RFTN2: variants seen among roughly 807,000 people sequenced by gnomAD.
The protein encoded by RFTN2 is raftlin-2.
A neutral mutation model predicts 52.7 loss-of-function variants in RFTN2; 34 were observed. The ratio of observed to expected loss-of-function variants is 0.64; its 90% confidence interval spans 0.49 to 0.86. The LOEUF (loss-of-function observed/expected upper bound fraction) is 0.86. RFTN2 is among the 40% of genes least tolerant of loss of function. RFTN2 has a pLI of 0.00. For missense variants in RFTN2, 536 were observed against 600.1 expected (o/e 0.89, Z 1.12); for synonymous variants, 203 against 217.7 (o/e 0.93, Z 0.59).
At chr2:197,611,522 C>A (rs1378922666) in intron 7 of RFTN2, among the ~76,000 whole-genome samples, 1 of 152,084 alleles carries the variant, frequency 6.6e-6, no homozygotes. Flanking sequence ...ATTAGTCTGG[C>A]TAGTGGTCTA....
At chr2:197,663,981 A>G (rs930705073) in intron 1 of RFTN2, among the ~76,000 whole-genome samples, 1 of 151,914 alleles carries the variant, frequency 6.6e-6, no homozygotes, top group African/African-American at 2.4e-5. Context: ...ACAGTTTTTG[A>G]TATGTTATAT....
chr2:197,632,466 T>C (rs2088483101), intron 4 of RFTN2, among the ~76,000 whole-genome samples: 1 of 152,226 alleles, frequency 6.6e-6, no homozygotes, highest in South Asian at 2.1e-4. Context: ...GAAGGACATG[T>C]TTGCTTTCCC....
chr2:197,605,734 G>C (rs1045725904), intron 7 of RFTN2, among the ~76,000 whole-genome samples: 1 of 152,114 alleles, frequency 6.6e-6, no homozygotes, highest in African/African-American at 2.4e-5. Context: ...TCTAGTCTCA[G>C]AATCCTTATT....
intron 8 of RFTN2, 97 bp from the exon 9 acceptor site, chr2:197,572,377 T>TGCCTTTCTG: frequency 8.2e-7 from 1 of 1,214,124 alleles, no homozygotes; most frequent in East Asian, 2.3e-5. Flanking sequence ...TCCAGGAATG[T>TGCCTTTCTG]CCTTTTCCCC....
chr2:197,584,518 T>G (rs1192261371), intron 8 of RFTN2, among the ~76,000 whole-genome samples: 1 of 152,228 alleles, frequency 6.6e-6, no homozygotes, highest in Non-Finnish European at 1.5e-5. Context: ...TAGCCCTTTG[T>G]CAGATGAGTA....
At chr2:197,591,894 G>A (rs2087720381) in intron 8 of RFTN2, among the ~76,000 whole-genome samples, 1 of 151,954 alleles carries the variant, frequency 6.6e-6, no homozygotes, top group Non-Finnish European at 1.5e-5. Context: ...CAAGCACTGT[G>A]CGCAGAACTG....
chr2:197,644,275 G>C lies in RFTN2; in HGVS notation c.324-3C>G, dbSNP rs1485245256. ...TGGGTGCTGCCGAATTCTTTGGGCTGTAACAGAGGGAATATGTTTATGGTT... is the reference window on the plus strand; with the variant it reads ...TGGGTGCTGCCGAATTCTTTGGGCTCTAACAGAGGGAATATGTTTATGGTT... On this transcript the variant is annotated splice_region_variant and splice_polypyrimidine_tract_variant and intron_variant, in intron 2 of 8. Coordinates refer to ENST00000295049, the MANE Select transcript of RFTN2 (RefSeq NM_144629.3). 1 of 1,518,444 alleles carries C rather than the reference G, an allele frequency of 6.6e-7. No homozygotes were observed. The highest frequency in any genetic ancestry group is 1.4e-5 in the African/African-American group (1 of 72,672). 94.1% of individuals were successfully genotyped at this position (1,518,444 alleles called of 1,614,324 possible). A position where few individuals can be genotyped will look rare whatever the true frequency, so the allele number is the denominator to read the frequency against.
Position 197,568,470 on chromosome 2 carries a change from A to T in RFTN2, c.*3538T>A, listed in dbSNP as rs1473141579. On this transcript the variant is annotated 3_prime_UTR_variant, in exon 9 of 9. Transcript: ENST00000295049. ...CTGGTTCTGCAAACTTTGCACTATTACACAAATAAAATTCATTCTCAAGGG... is the reference window on the plus strand; with the variant it reads ...CTGGTTCTGCAAACTTTGCACTATTTCACAAATAAAATTCATTCTCAAGGG... 1 of 152,182 alleles carries T rather than the reference A, an allele frequency of 6.6e-6. No homozygotes were observed. Among genetic ancestry groups the T allele is most frequent in the East Asian group, 1.9e-4 (1 of 5,194 alleles). The allele number at this position is 152,182 out of a possible 1,614,324, so 9.4% of individuals were successfully genotyped here.
chr2:197,616,013 T>C (rs1404742559), intron 6 of RFTN2, 34 bp from the exon 7 acceptor site: 8 of 1,314,996 alleles, frequency 6.1e-6, no homozygotes, highest in South Asian at 3.8e-5. Flanking sequence ...CATAGTCTAA[T>C]GGCAAAGACA....
intron 5 of RFTN2, among the ~76,000 whole-genome samples, chr2:197,618,705 C>G (rs1322015959): frequency 6.7e-6 from 1 of 149,138 alleles, no homozygotes; most frequent in Non-Finnish European, 1.5e-5. Flanking sequence ...GGCCGCCCAT[C>G]GTCTGAGATG....
At chr2:197,637,587 T>C (rs941281430) in intron 3 of RFTN2, among the ~76,000 whole-genome samples, 3 of 152,200 alleles carry the variant, frequency 2.0e-5, no homozygotes, top group Non-Finnish European at 4.4e-5. Flanking sequence ...GGTGGTGATA[T>C]CCCCTTTATC....
intron 4 of RFTN2, among the ~76,000 whole-genome samples, chr2:197,631,777 T>G (rs1442757403): frequency 6.6e-6 from 1 of 152,334 alleles, no homozygotes; most frequent in African/African-American, 2.4e-5. Flanking sequence ...AGAACAGACA[T>G]GGAAATGCTG....
At chr2:197,609,603 G>T (rs570935760) in intron 7 of RFTN2, among the ~76,000 whole-genome samples, 1 of 152,314 alleles carries the variant, frequency 6.6e-6, no homozygotes, top group Non-Finnish European at 1.5e-5. Flanking sequence ...TCTGCTGATA[G>T]TTTCTTTTGC....
chr2:197,590,104 C>T (rs1453165990), intron 8 of RFTN2, among the ~76,000 whole-genome samples: 2 of 150,568 alleles, frequency 1.3e-5, no homozygotes, highest in Non-Finnish European at 2.9e-5. Context: ...CAGGGTTTTG[C>T]TGAGCTGACC....
At chr2:197,622,642 T>C (rs1048781118) in intron 5 of RFTN2, among the ~76,000 whole-genome samples, 1 of 152,152 alleles carries the variant, frequency 6.6e-6, no homozygotes, top group Non-Finnish European at 1.5e-5. Context: ...AAAACAACCT[T>C]ACAGTGGAAG....
In RFTN2 at chr2:197,627,253, GTGTGAT is replaced by G. The variant is rs1472202186; in HGVS notation, c.928+3752_928+3757del. On this transcript the variant is annotated intron_variant, in intron 5 of 8. Transcript: ENST00000295049. ...GCTCCTCTCCAGCTGCCCAGTCTCA[GTGTGAT>G]TGCTGCCTTCTCAGAGGGGACCTCC... Among the ~76,000 whole-genome samples, 31 of 152,308 alleles carry G rather than the reference GTGTGAT, an allele frequency of 2.0e-4. No individual in the cohort carries two copies. In the East Asian group the frequency reaches 4.6e-3, roughly 23 times the overall value.
intron 1 of RFTN2, among the ~76,000 whole-genome samples, chr2:197,671,988 C>T (rs1246690639): frequency 6.6e-6 from 1 of 152,174 alleles, no homozygotes; most frequent in Non-Finnish European, 1.5e-5. Flanking sequence ...TACTCATATA[C>T]ATACATCATA....
intron 6 of RFTN2, 74 bp downstream of exon 6, chr2:197,617,726 A>C (rs1441136466): frequency 1.6e-6 from 1 of 620,662 alleles, no homozygotes; most frequent in Non-Finnish European, 2.2e-6. Flanking sequence ...TGAAAAACCC[A>C]AACCAAACAT....
chr2:197,675,401 ATATTTTTCCAGGGCTGC>A lies in RFTN2; in HGVS notation c.41_57del (p.Ser14IlefsTer53). The stretch of plus-strand genomic sequence containing the variant: ...ACTTGCGGTCTCTTCAGGGTAGAAA[ATATTTTTCCAGGGCTGC>A]TATCATCAGGGTCTTCTAGCTTTCT... On this transcript the variant is annotated frameshift_variant, in exon 1 of 9. Coordinates refer to ENST00000295049, the MANE Select transcript of RFTN2 (RefSeq NM_144629.3). LOFTEE classifies it high-confidence loss of function. The A allele has an allele frequency of 6.2e-7, 1 of 1,605,368 alleles. No homozygotes were observed. The highest frequency in any genetic ancestry group is 8.5e-7 in the Non-Finnish European group (1 of 1,175,898).
Sources: allele counts gnomAD v4.1 joint callset (sites outside exome capture counted in the v4.1 genomes callset), GRCh38; gene constraint gnomAD v4.1.1; transcripts MANE v1.5; gene names NCBI Gene and HGNC (gene_info 2026-07-23, HGNC 2026-07-21).